CACNA2D3: variants seen among roughly 807,000 people sequenced by gnomAD.
CACNA2D3 encodes calcium voltage-gated channel auxiliary subunit alpha2delta 3, also known as voltage-dependent calcium channel subunit alpha-2/delta-3.
Under a neutral mutation model 160.6 loss-of-function variants are expected in CACNA2D3, and 60 were observed. The ratio of observed to expected loss-of-function variants is 0.37; its 90% confidence interval spans 0.30 to 0.46. The LOEUF is 0.46. Ranked by LOEUF, CACNA2D3 falls within the 20% of genes least tolerant of loss-of-function variation. The probability of loss-of-function intolerance (pLI) is 1.00; values close to 1 mark genes in which losing one functional copy is unlikely to be tolerated. For synonymous variants in CACNA2D3, 558 were observed against 492.9 expected, an observed-to-expected ratio of 1.13 and a Z score of -1.75; for missense variants, 1,205 against 1,365.0, an observed-to-expected ratio of 0.88 and a Z score of 1.85.
At chr3:54,245,674 C>T (rs574565435) in intron 2 of CACNA2D3, among the ~76,000 whole-genome samples, 1 of 152,294 alleles carries the variant, frequency 6.6e-6, no homozygotes, top group Admixed American at 6.5e-5. Context: ...AGCATCTATT[C>T]AGAAGGCCTG....
chr3:54,462,418 T>G (rs1335501426), intron 4 of CACNA2D3, among the ~76,000 whole-genome samples: 1 of 152,194 alleles, frequency 6.6e-6, no homozygotes, highest in Non-Finnish European at 1.5e-5. Context: ...CTAAGTCTCT[T>G]TGTATGTCAC....
intron 2 of CACNA2D3, among the ~76,000 whole-genome samples, chr3:54,186,343 G>A (rs1700877991): frequency 6.6e-6 from 1 of 152,144 alleles, no homozygotes; most frequent in African/African-American, 2.4e-5. Flanking sequence ...AGATCGGTTG[G>A]GTGAATCTAG....
chr3:54,984,183 A>T lies in CACNA2D3; in HGVS notation c.2557-425A>T, dbSNP rs145205210. Among the ~76,000 whole-genome samples the T allele has an allele frequency of 1.0e-3, 157 of 152,262 alleles. 1 individual carries two copies. The highest frequency in any genetic ancestry group is 6.8e-3 in the Middle Eastern group (2 of 294). On this transcript the variant is annotated intron_variant, in intron 29 of 37. Transcript: ENST00000474759. The stretch of plus-strand genomic sequence containing the variant: ...GACACGGTGTTTTCATTAATACATC[A>T]TTAGAGTAATGACATTGTGCTGGCG...
chr3:54,598,307 CAAAA>C (rs10656534), intron 9 of CACNA2D3, among the ~76,000 whole-genome samples: 4 of 49,848 alleles, frequency 8.0e-5, no homozygotes, highest in African/African-American at 3.3e-4. Flanking sequence ...CTCCGTCTCA[CAAAA>C]AAAAAAAAAA....
intron 9 of CACNA2D3, among the ~76,000 whole-genome samples, chr3:54,591,573 T>TTG (rs1291154781): frequency 4.0e-5 from 6 of 150,398 alleles, no homozygotes; most frequent in African/African-American, 4.9e-5. Context: ...AAAAGTTTTT[T>TTG]TTTTTTTTTT....
intron 27 of CACNA2D3, among the ~76,000 whole-genome samples, chr3:54,936,906 T>C (rs967944227): frequency 9.2e-5 from 14 of 152,132 alleles, no homozygotes; most frequent in African/African-American, 3.1e-4. Context: ...GAAAATAAAC[T>C]CCGTGTATGC....
intron 2 of CACNA2D3, among the ~76,000 whole-genome samples, chr3:54,155,355 C>T (rs907783697): frequency 1.3e-5 from 2 of 152,190 alleles, no homozygotes; most frequent in Admixed American, 6.5e-5. Flanking sequence ...TTCATTCTGG[C>T]TCCATCACCA....
intron 24 of CACNA2D3, 54 bp from the exon 25 acceptor site, chr3:54,891,301 A>T: frequency 8.3e-7 from 1 of 1,209,844 alleles, no homozygotes; most frequent in Non-Finnish European, 1.2e-6. Context: ...AATGCAATGT[A>T]TTATCTGCTT....
intron 2 of CACNA2D3, among the ~76,000 whole-genome samples, chr3:54,133,090 A>G (rs1222299673): frequency 6.6e-6 from 1 of 152,182 alleles, no homozygotes; most frequent in African/African-American, 2.4e-5. Context: ...GTTAATGCCA[A>G]GCCACCTGGA....
At chr3:54,199,710 T>C (rs1178988524) in intron 2 of CACNA2D3, among the ~76,000 whole-genome samples, 6 of 152,172 alleles carry the variant, frequency 3.9e-5, no homozygotes, top group Admixed American at 3.9e-4. Context: ...GTGCAGCACA[T>C]GAGGTGATAG....
At chr3:55,062,948 A>C (rs1704549042) in intron 35 of CACNA2D3, among the ~76,000 whole-genome samples, 1 of 152,218 alleles carries the variant, frequency 6.6e-6, no homozygotes, top group South Asian at 2.1e-4. Flanking sequence ...CCAGTGTAGC[A>C]GTACAAGGAT....
intron 4 of CACNA2D3, among the ~76,000 whole-genome samples, chr3:54,428,930 A>G (rs73089420): frequency 0.25 from 38,657 of 152,140 alleles, 5,014 homozygotes; most frequent in Admixed American, 0.33. Flanking sequence ...CTGTCTTACC[A>G]TTGGGGCTTT....
intron 4 of CACNA2D3, among the ~76,000 whole-genome samples, chr3:54,476,428 T>A: frequency 6.6e-6 from 1 of 151,792 alleles, no homozygotes; most frequent in East Asian, 1.9e-4. Context: ...CACCCAGAAA[T>A]GAGATTGCTG....
intron 35 of CACNA2D3, among the ~76,000 whole-genome samples, chr3:55,052,448 CTG>C (rs553476560): frequency 1.6e-5 from 2 of 122,358 alleles, no homozygotes; most frequent in Non-Finnish European, 1.8e-5. Context: ...ATGTATATAC[CTG>C]TGTGTGTATA....
chr3:54,772,627 T>C (rs1702340854), intron 13 of CACNA2D3, among the ~76,000 whole-genome samples: 1 of 152,184 alleles, frequency 6.6e-6, no homozygotes, highest in African/African-American at 2.4e-5. Flanking sequence ...AATAAATGAC[T>C]TAATGTTAAC....
chr3:54,588,608 A>T (rs978913040), intron 9 of CACNA2D3, among the ~76,000 whole-genome samples: 18 of 152,274 alleles, frequency 1.2e-4, no homozygotes, highest in Non-Finnish European at 2.1e-4. Flanking sequence ...CAGTAAGGTC[A>T]CATATACAAG....
At chr3:55,071,563 ACT>A (rs201508619) in intron 35 of CACNA2D3, among the ~76,000 whole-genome samples, 2,165 of 152,002 alleles carry the variant, frequency 0.014, 51 homozygotes, top group African/African-American at 0.049. Flanking sequence ...TAAATATTTT[ACT>A]CTGTTTCTTC....
At chr3:54,488,140 G>A (rs1412190279) in intron 4 of CACNA2D3, among the ~76,000 whole-genome samples, 2 of 152,038 alleles carry the variant, frequency 1.3e-5, no homozygotes, top group African/African-American at 4.8e-5. Context: ...GACGGCCTGT[G>A]CATCTGGTTG....
rs539333695 is a variant in CACNA2D3 at position 54,380,123 on chromosome 3, A to G, written c.322-6592A>G. Among the ~76,000 whole-genome samples the G allele has an allele frequency of 3.9e-5, 6 of 152,360 alleles. No homozygotes were observed. In the Middle Eastern group the frequency reaches 0.01, roughly 259 times the overall value. ...ATTTCTCCAATGTAACAGTTCTTAA[A>G]TGGATGATTTCTGACCCTTGGTACA... On this transcript the variant is annotated intron_variant, in intron 3 of 37. Coordinates refer to ENST00000474759, the MANE Select transcript of CACNA2D3 (RefSeq NM_018398.3).
Sources: allele counts gnomAD v4.1 joint callset (sites outside exome capture counted in the v4.1 genomes callset), GRCh38; gene constraint gnomAD v4.1.1; transcripts MANE v1.5; gene names NCBI Gene and HGNC (gene_info 2026-07-23, HGNC 2026-07-21).